The following SORCS2 variants were observed in gnomAD, a reference collection of about 807,000 sequenced individuals.
SORCS2 encodes sortilin related VPS10 domain containing receptor 2, also known as VPS10 domain-containing receptor SorCS2.
SORCS2 carries 100 observed loss-of-function variants against 141.6 expected under a neutral mutation model. The ratio of observed to expected loss-of-function variants is 0.71; its 90% confidence interval spans 0.60 to 0.83. SORCS2 has a LOEUF of 0.83. Ranked by LOEUF, SORCS2 falls within the 40% of genes least tolerant of loss-of-function variation. SORCS2 has a pLI of 0.00. For synonymous variants in SORCS2, 789 were observed against 676.9 expected (o/e 1.17, Z -2.57); for missense variants, 1,646 against 1,560.2 (o/e 1.05, Z -0.93).
At chr4:7,458,313 G>C (rs984997620) in intron 2 of SORCS2, among the ~76,000 whole-genome samples, 10 of 152,174 alleles carry the variant, frequency 6.6e-5, no homozygotes, top group Admixed American at 3.3e-4. Context: ...GAGACACTGA[G>C]GGTTGTTGAG....
intron 18 of SORCS2, 113 bp downstream of exon 18, chr4:7,718,296 A>G: frequency 2.4e-6 from 3 of 1,237,646 alleles, no homozygotes; most frequent in South Asian, 2.9e-5. Context: ...GGCTCAGGGC[A>G]TCGTCATCAG....
At chr4:7,343,063 C>A (rs536557197) in intron 1 of SORCS2, among the ~76,000 whole-genome samples, 2 of 152,302 alleles carry the variant, frequency 1.3e-5, no homozygotes, top group South Asian at 4.1e-4. Context: ...AGTCCCCGAC[C>A]CTGTGGGCCC....
rs1417929484 is a variant in SORCS2 at position 7,201,695 on chromosome 4, T to C, written c.480+8569T>C. 2.6e-5 allele frequency among the ~76,000 whole-genome samples: 4 copies of C among 152,224 alleles called. No homozygotes were observed. The highest frequency in any genetic ancestry group is 9.6e-5 in the African/African-American group (4 of 41,452). On this transcript the variant is annotated intron_variant, in intron 1 of 26. Transcript: ENST00000507866. The surrounding 1 kb of genome is among the most constrained non-coding windows in gnomAD (Gnocchi z 4.4). ...TTTTGGGGCCGCCTTGTCTTTCTTT[T>C]TTCAGACTCCAAAGGATGAGTTATT...
At chr4:7,666,337 A>T (rs1330607256) in intron 7 of SORCS2, among the ~76,000 whole-genome samples, 1 of 152,024 alleles carries the variant, frequency 6.6e-6, no homozygotes, top group Non-Finnish European at 1.5e-5. Context: ...TGTGAGGGGC[A>T]GGAGAAGGTG....
intron 3 of SORCS2, among the ~76,000 whole-genome samples, chr4:7,553,303 A>G (rs554854159): frequency 1.3e-5 from 2 of 152,154 alleles, no homozygotes; most frequent in South Asian, 2.1e-4. Context: ...TTCTTTAATT[A>G]TGAGAGGGGG....
chr4:7,285,659 G>A (rs964143880), intron 1 of SORCS2, among the ~76,000 whole-genome samples: 19 of 152,240 alleles, frequency 1.2e-4, no homozygotes, highest in African/African-American at 4.6e-4. Context: ...ATGGGGAGGC[G>A]CCTATGCTCC....
At chr4:7,304,617 C>T (rs180903079) in intron 1 of SORCS2, among the ~76,000 whole-genome samples, 5 of 152,290 alleles carry the variant, frequency 3.3e-5, no homozygotes, top group African/African-American at 1.2e-4. Flanking sequence ...CTTCTTAGCC[C>T]TCGATTCTTC....
At chr4:7,230,015 T>C (rs1711728285) in intron 1 of SORCS2, among the ~76,000 whole-genome samples, 1 of 125,040 alleles carries the variant, frequency 8.0e-6, no homozygotes, top group Admixed American at 8.0e-5. Context: ...AGCAGTGTCA[T>C]GTGCTCATGT....
intron 4 of SORCS2, among the ~76,000 whole-genome samples, chr4:7,641,259 A>T (rs986711599): frequency 2.0e-5 from 3 of 152,182 alleles, no homozygotes; most frequent in Non-Finnish European, 4.4e-5. Flanking sequence ...AAAGTTCCAC[A>T]TGGGTGGGGA....
chr4:7,521,089 A>C (rs1484288714), intron 2 of SORCS2, among the ~76,000 whole-genome samples: 2 of 151,906 alleles, frequency 1.3e-5, no homozygotes, highest in Non-Finnish European at 2.9e-5. Flanking sequence ...TGGTCAGCGA[A>C]ATGGGAAGGT....
chr4:7,708,700 C>T (rs1377685627), intron 14 of SORCS2, among the ~76,000 whole-genome samples: 2 of 152,238 alleles, frequency 1.3e-5, no homozygotes, highest in African/African-American at 2.4e-5. Context: ...CGCCCCACTG[C>T]ATACTACGGG....
intron 1 of SORCS2, among the ~76,000 whole-genome samples, chr4:7,264,900 C>G (rs570883112): frequency 1.3e-4 from 20 of 152,340 alleles, no homozygotes; most frequent in African/African-American, 4.3e-4. Flanking sequence ...ATGCCAGACC[C>G]CAGCCTGAAG....
In SORCS2 at chr4:7,640,384, G is replaced by T. The variant is rs924022505; in HGVS notation, c.813+1892G>T. ...TGAGCATGTGTGAATGTACATGAGT[G>T]TGTGGGTGTGTGAGTGTGTGTGGGT... is the stretch of plus-strand genomic sequence containing the variant. On this transcript the variant is annotated intron_variant, in intron 4 of 26. Transcript: ENST00000507866. 8.2e-5 allele frequency among the ~76,000 whole-genome samples: 12 copies of T among 146,850 alleles called. 1 individual carries two copies. In the South Asian group the frequency reaches 1.3e-3, roughly 16 times the overall value.
Position 7,566,057 on chromosome 4 carries a change from G to T in SORCS2, c.648+34428G>T, listed in dbSNP as rs62644754. Among the ~76,000 whole-genome samples the T allele has an allele frequency of 5.1e-3, 753 of 147,048 alleles. 3 individuals carry two copies. Among genetic ancestry groups the T allele is most frequent in the African/African-American group, 0.019 (721 of 38,944 alleles). ...TGATAGTGATGATGGCGATGGTGAT[G>T]ATGATGATGGTGATGACGGTAATGA... is the stretch of plus-strand genomic sequence containing the variant. On this transcript the variant is annotated intron_variant, in intron 3 of 26. Coordinates refer to ENST00000507866, the MANE Select transcript of SORCS2 (RefSeq NM_020777.3).
At chr4:7,283,907 G>T (rs372067712) in intron 1 of SORCS2, among the ~76,000 whole-genome samples, 4 of 152,274 alleles carry the variant, frequency 2.6e-5, no homozygotes, top group South Asian at 4.2e-4. Context: ...GGCCATAGGA[G>T]CGAGGGATCC....
rs577802713 is a variant in SORCS2 at position 7,643,498 on chromosome 4, C to G, written c.813+5006C>G. Among the ~76,000 whole-genome samples, 8 of 152,320 alleles carry G rather than the reference C, an allele frequency of 5.3e-5. No homozygotes were observed. In the South Asian group the frequency reaches 1.7e-3, roughly 32 times the overall value. On this transcript the variant is annotated intron_variant, in intron 4 of 26. Coordinates refer to ENST00000507866, the MANE Select transcript of SORCS2 (RefSeq NM_020777.3). ...CAGCATGGTGAGAAATTGATCTGAGCCCAGGATTGCCTTTTAGAAACTTAG... is the reference window on the plus strand; with the variant it reads ...CAGCATGGTGAGAAATTGATCTGAGGCCAGGATTGCCTTTTAGAAACTTAG...
chr4:7,548,330 C>A (rs2109620773), intron 3 of SORCS2, among the ~76,000 whole-genome samples: 1 of 152,286 alleles, frequency 6.6e-6, no homozygotes, highest in South Asian at 2.1e-4. Context: ...AGTCCCATTC[C>A]TTGGATGCTC....
intron 14 of SORCS2, among the ~76,000 whole-genome samples, chr4:7,708,781 A>G (rs1725640540): frequency 6.6e-6 from 1 of 152,186 alleles, no homozygotes; most frequent in Non-Finnish European, 1.5e-5. Context: ...CTCCGTTTTT[A>G]GAGGTGCCAA....
At chr4:7,239,783 A>G (rs965635540) in intron 1 of SORCS2, among the ~76,000 whole-genome samples, 23 of 152,372 alleles carry the variant, frequency 1.5e-4, no homozygotes, top group African/African-American at 5.5e-4. Flanking sequence ...GGAAGTGAAT[A>G]AAAGAGAAAA....
Sources: allele counts gnomAD v4.1 joint callset (sites outside exome capture counted in the v4.1 genomes callset), GRCh38; gene constraint gnomAD v4.1.1; non-coding constraint Gnocchi (gnomAD v3.1); transcripts MANE v1.5; gene names NCBI Gene and HGNC (gene_info 2026-07-23, HGNC 2026-07-21).